The following SDHB variants were observed in gnomAD, a reference collection of about 807,000 sequenced individuals.
SDHB encodes the protein succinate dehydrogenase [ubiquinone] iron-sulfur subunit, mitochondrial.
A neutral mutation model predicts 39.7 loss-of-function variants in SDHB; 21 were observed. The observed-to-expected ratio is 0.53, with a 90% CI of 0.37 to 0.76. The LOEUF (loss-of-function observed/expected upper bound fraction) is 0.76, where lower values mean the gene tolerates loss of function less well. Among genes scored for constraint, SDHB ranks in the 30% least tolerant of loss-of-function variants. The pLI is 0.00. For synonymous variants in SDHB, 118 were observed against 117.0 expected (o/e 1.01, Z -0.06); for missense variants, 343 against 350.9 (o/e 0.98, Z 0.18).
rs397835910 is a variant in SDHB at position 17,049,647 on chromosome 1, C to CTTTTTTTTT, written c.72+4292_72+4300dup. Among the ~76,000 whole-genome samples the CTTTTTTTTT allele has an allele frequency of 6.1e-3, 320 of 52,068 alleles. 57 individuals are homozygous for CTTTTTTTTT. The highest frequency in any genetic ancestry group is 8.3e-3 in the African/African-American group (84 of 10,180). The allele number at this position is 52,068 out of a possible 152,430, so 34.2% of individuals were successfully genotyped here. A position where few individuals can be genotyped will look rare whatever the true frequency, so the allele number is the denominator to read the frequency against. On this transcript the variant is annotated intron_variant, in intron 1 of 7. Transcript: ENST00000375499. ...GGGACTGGAGCATAATCCCCTAGTT[C>CTTTTTTTTT]TTTTTTTTTTTTTTTTTTTTTTTTT...
intron 7 of SDHB, 120 bp downstream of exon 7, chr1:17,022,488 C>T: frequency 7.2e-7 from 1 of 1,382,636 alleles, no homozygotes; most frequent in Non-Finnish European, 1.0e-6. Flanking sequence ...CAGGCATATG[C>T]TGGTCCCTTT....
chr1:17,024,112 G>A (rs1310942708), intron 5 of SDHB, 38 bp from the exon 6 acceptor site: 1 of 1,410,254 alleles, frequency 7.1e-7, no homozygotes, highest in Admixed American at 1.7e-5. Flanking sequence ...GCTTGTGACG[G>A]GAGAGACTCT....
At chr1:17,033,275 G>T in intron 2 of SDHB, 130 bp from the exon 3 acceptor site, 1 of 757,330 alleles carries the variant, frequency 1.3e-6, no homozygotes, top group Non-Finnish European at 2.3e-6. Flanking sequence ...TTCGGAATTT[G>T]TTCTGTAGTT....
At chr1:17,027,633 TCTCCAGAATACACTAAATGGC>T in intron 5 of SDHB, 95 bp downstream of exon 5, 1 of 774,202 alleles carries the variant, frequency 1.3e-6, no homozygotes, top group Non-Finnish European at 2.3e-6. Flanking sequence ...TGCCAGTTCC[TCTCCAGAATACACTAAATGGC>T]TTGCATCAGC....
chr1:17,036,528 T>A (rs1252126936), intron 2 of SDHB, among the ~76,000 whole-genome samples: 2 of 151,888 alleles, frequency 1.3e-5, no homozygotes, highest in Non-Finnish European at 2.9e-5. Flanking sequence ...TATAATTTGT[T>A]CCTAAGAATT....
At chr1:17,048,877 ATTTTTATAT>A (rs2078127752) in intron 1 of SDHB, among the ~76,000 whole-genome samples, 1 of 151,768 alleles carries the variant, frequency 6.6e-6, no homozygotes, top group Admixed American at 6.6e-5. Context: ...CGCCGAGCTA[ATTTTTATAT>A]TTTTAGTAGA....
At chr1:17,042,455 C>G (rs1216656820) in intron 2 of SDHB, among the ~76,000 whole-genome samples, 1 of 152,008 alleles carries the variant, frequency 6.6e-6, no homozygotes, top group African/African-American at 2.4e-5. Context: ...GAAGTAAACC[C>G]AAAGATTCTT....
chr1:17,033,072 A>T lies in SDHB; in HGVS notation c.274T>A (p.Ser92Thr). The T allele has an allele frequency of 1.2e-6, 2 of 1,613,432 alleles. No individual in the cohort carries two copies. Among genetic ancestry groups the T allele is most frequent in the Non-Finnish European group, 1.7e-6 (2 of 1,179,328 alleles). ...ATGAAATGCTCACCTTCTCTGCATG[A>T]TCTTCGGAAGGTCAAAGTAGAGTCA... ...EVDSTLTFRR[S>T]CREGICGSCA... Residue 92 changes from serine (S) to threonine (T), a missense_variant, in exon 3 of 8, where the codon TCA becomes ACA. Physicochemically the swap from Ser to Thr is moderately conservative, Grantham distance 58. Coordinates refer to ENST00000375499, the MANE Select transcript of SDHB (RefSeq NM_003000.3).
intron 1 of SDHB, among the ~76,000 whole-genome samples, chr1:17,051,560 G>C (rs1454277040): frequency 6.6e-6 from 1 of 152,210 alleles, no homozygotes; most frequent in African/African-American, 2.4e-5. Flanking sequence ...TGAAAAGTGT[G>C]ATTGGTGATG....
intron 7 of SDHB, 22 bp downstream of exon 7, chr1:17,022,586 G>A (rs771136851): frequency 1.2e-6 from 2 of 1,613,270 alleles, no homozygotes; most frequent in South Asian, 1.1e-5. Context: ...AGGCAGAGCT[G>A]AGGGTCACCA....
Position 17,018,906 on chromosome 1 carries a change from T to C in SDHB, c.818A>G (p.Tyr273Cys), listed in dbSNP as rs773523792. The change falls in exon 8 of 8, where the codon TAT becomes TGT. Residue 273 changes from tyrosine to cysteine, a missense_variant. Coordinates refer to ENST00000375499, the MANE Select transcript of SDHB (RefSeq NM_003000.3). ...IAEIKKMMAT[Y>C]KEKKASV is the part of the protein sequence containing the mutation. ...TTAAACTGAAGCTTTCTTCTCCTTA[T>C]AGGTTGCCATCATTTTCTTGATCTC... 6.2e-7 allele frequency: 1 copy of C among 1,612,974 alleles called. No homozygotes were observed. The highest frequency in any genetic ancestry group is 1.1e-5 in the South Asian group (1 of 91,068).
intron 5 of SDHB, among the ~76,000 whole-genome samples, chr1:17,024,964 T>C (rs2077983567): frequency 6.6e-6 from 1 of 152,204 alleles, no homozygotes; most frequent in Non-Finnish European, 1.5e-5. Context: ...GGTGGGAGTG[T>C]CAACTGGCCC....
intron 1 of SDHB, among the ~76,000 whole-genome samples, chr1:17,051,700 G>T (rs1270341307): frequency 6.6e-6 from 1 of 150,654 alleles, no homozygotes; most frequent in African/African-American, 2.4e-5. Flanking sequence ...ACCCGGGGGA[G>T]GGGGGGTCAA....
At chr1:17,025,135 T>A (rs936443187) in intron 5 of SDHB, among the ~76,000 whole-genome samples, 1 of 152,162 alleles carries the variant, frequency 6.6e-6, no homozygotes, top group East Asian at 1.9e-4. Context: ...CAGTAAAAAA[T>A]TGGAAACAAT....
rs747423037 is a variant in SDHB at position 17,023,966 on chromosome 1, A to G, written c.642+7T>C. On this transcript the variant is annotated splice_region_variant and intron_variant, in intron 6 of 7. Coordinates refer to ENST00000375499, the MANE Select transcript of SDHB (RefSeq NM_003000.3). ...ATTTCTCTTAAAGCAATTAAGGAGC[A>G]CCTCACCTGCATAAGAACTGCAGGC... The G allele has an allele frequency of 3.7e-6, 6 of 1,600,952 alleles. No homozygotes were observed. Among genetic ancestry groups the G allele is most frequent in the Non-Finnish European group, 4.3e-6 (5 of 1,168,528 alleles).
intron 3 of SDHB, among the ~76,000 whole-genome samples, chr1:17,031,290 T>TA (rs2078021619): frequency 6.6e-6 from 1 of 151,878 alleles, no homozygotes; most frequent in Admixed American, 6.6e-5. Flanking sequence ...GCATAAAAAT[T>TA]AAAAAAATAA....
At chr1:17,050,164 A>C (rs575065793) in intron 1 of SDHB, among the ~76,000 whole-genome samples, 1 of 152,158 alleles carries the variant, frequency 6.6e-6, no homozygotes, top group Non-Finnish European at 1.5e-5. Context: ...AAAGAGACTA[A>C]GTTTGTATTA....
At chr1:17,035,171 C>T (rs2078044225) in intron 2 of SDHB, among the ~76,000 whole-genome samples, 1 of 152,180 alleles carries the variant, frequency 6.6e-6, no homozygotes, top group African/African-American at 2.4e-5. Flanking sequence ...TTTAAACATA[C>T]ATGAGTTAAA....
At chr1:17,036,032 A>C (rs2078048762) in intron 2 of SDHB, among the ~76,000 whole-genome samples, 1 of 152,088 alleles carries the variant, frequency 6.6e-6, no homozygotes, top group African/African-American at 2.4e-5. Context: ...GTACAACATA[A>C]ATTTTCTCAG....
Sources: allele counts gnomAD v4.1 joint callset (sites outside exome capture counted in the v4.1 genomes callset), GRCh38; gene constraint gnomAD v4.1.1; transcripts MANE v1.5; gene names NCBI Gene and HGNC (gene_info 2026-07-23, HGNC 2026-07-21).